Variants in PLXNC1 observed in about 807,000 individuals in gnomAD.
PLXNC1 encodes plexin-C1.
A neutral mutation model predicts 178.2 loss-of-function variants in PLXNC1; 75 were observed. That is an observed-to-expected ratio of 0.42 (90% CI 0.35 to 0.51). The LOEUF (loss-of-function observed/expected upper bound fraction) is 0.51. Ranked by LOEUF, PLXNC1 falls within the 20% of genes least tolerant of loss-of-function variation. The pLI, the probability that PLXNC1 is intolerant of heterozygous loss-of-function variation, is 0.02. For synonymous variants in PLXNC1, 790 were observed against 779.9 expected (o/e 1.01, Z -0.22); for missense variants, 1,503 against 1,984.4 (o/e 0.76, Z 4.61).
chr12:94,298,154 G>A (rs973871785), intron 26 of PLXNC1, among the ~76,000 whole-genome samples: 1 of 152,180 alleles, frequency 6.6e-6, no homozygotes, highest in African/African-American at 2.4e-5. Flanking sequence ...GTCCCATAGA[G>A]CCCAGCCTAT....
intron 21 of PLXNC1, among the ~76,000 whole-genome samples, chr12:94,276,607 A>G (rs1279486624): frequency 6.6e-6 from 1 of 152,148 alleles, no homozygotes; most frequent in East Asian, 1.9e-4. Context: ...GGAGCAAGTT[A>G]CTCAGCCCCT....
At chr12:94,165,658 G>A (rs1413368561) in intron 1 of PLXNC1, among the ~76,000 whole-genome samples, 1 of 149,462 alleles carries the variant, frequency 6.7e-6, no homozygotes, top group African/African-American at 2.4e-5. Flanking sequence ...AGCAGAAAAC[G>A]CAACCAACAG....
chr12:94,192,246 T>A (rs919185488), intron 4 of PLXNC1, among the ~76,000 whole-genome samples: 1 of 152,198 alleles, frequency 6.6e-6, no homozygotes, highest in East Asian at 1.9e-4. Context: ...GATGCCATTC[T>A]TGGCTTTAAG....
intron 14 of PLXNC1, among the ~76,000 whole-genome samples, chr12:94,248,918 T>TG (rs1457723104): frequency 1.3e-5 from 2 of 152,148 alleles, no homozygotes; most frequent in Non-Finnish European, 2.9e-5. Context: ...CAGATATGTT[T>TG]GGGGGACGGA....
chr12:94,151,669 C>G (rs1406864281), intron 1 of PLXNC1, among the ~76,000 whole-genome samples: 1 of 152,182 alleles, frequency 6.6e-6, no homozygotes, highest in African/African-American at 2.4e-5. Flanking sequence ...GGGTTAATGA[C>G]AAGCCAGCTC....
At chr12:94,169,083 A>G in intron 1 of PLXNC1, 70 bp from the exon 2 acceptor site, 2 of 1,374,570 alleles carry the variant, frequency 1.5e-6, no homozygotes, top group East Asian at 5.0e-5. Context: ...GTGACATTTC[A>G]TCAGTATAAT....
intron 2 of PLXNC1, among the ~76,000 whole-genome samples, chr12:94,171,204 G>A (rs1354402840): frequency 6.6e-6 from 1 of 152,200 alleles, no homozygotes; most frequent in Non-Finnish European, 1.5e-5. Context: ...GTGGCAACCA[G>A]GGAGTGGACC....
chr12:94,165,523 G>T (rs1961577460), intron 1 of PLXNC1, among the ~76,000 whole-genome samples: 1 of 152,208 alleles, frequency 6.6e-6, no homozygotes, highest in Non-Finnish European at 1.5e-5. Flanking sequence ...CTCCAGGCTG[G>T]TGAGAGGAAC....
chr12:94,211,043 A>G (rs1227876606), intron 5 of PLXNC1, among the ~76,000 whole-genome samples: 2 of 152,234 alleles, frequency 1.3e-5, no homozygotes, highest in Admixed American at 1.3e-4. Context: ...TACTTCAGCT[A>G]AATGTAGTGG....
chr12:94,249,259 G>C (rs1964611667), intron 14 of PLXNC1, among the ~76,000 whole-genome samples: 3 of 152,224 alleles, frequency 2.0e-5, no homozygotes, highest in East Asian at 1.9e-4. Flanking sequence ...TTTAGACAGA[G>C]TCTCACTTTG....
At chr12:94,164,847 T>G (rs1265219533) in intron 1 of PLXNC1, among the ~76,000 whole-genome samples, 2 of 152,106 alleles carry the variant, frequency 1.3e-5, no homozygotes, top group African/African-American at 4.8e-5. Flanking sequence ...GTTTCCCTCT[T>G]AGAGCCGGCA....
chr12:94,160,581 G>T (rs569488464), intron 1 of PLXNC1, among the ~76,000 whole-genome samples: 5 of 152,050 alleles, frequency 3.3e-5, no homozygotes, highest in Non-Finnish European at 7.4e-5. Context: ...ATTGGATTCC[G>T]AGTGCAAAGC....
At chr12:94,217,394 C>G (rs1241296484) in intron 5 of PLXNC1, among the ~76,000 whole-genome samples, 1 of 152,196 alleles carries the variant, frequency 6.6e-6, no homozygotes, top group Non-Finnish European at 1.5e-5. Flanking sequence ...TGTAGACAAT[C>G]TTATTCACTT....
rs1002424579 is a variant in PLXNC1, at chr12:94,307,640, C to T, written c.*2355C>T. 2.0e-5 allele frequency: 3 copies of T among 149,706 alleles called. No homozygotes were observed. Among genetic ancestry groups the T allele is most frequent in the East Asian group, 1.9e-4 (1 of 5,130 alleles). 9.3% of individuals were successfully genotyped at this position (149,706 alleles called of 1,614,324 possible). ...TCTTGGAGATGAATGTTTTAAATGT[C>T]TATATCCAAAAAATAAACATTTTGA... On this transcript the variant is annotated 3_prime_UTR_variant, in exon 31 of 31. Transcript: ENST00000258526.
chr12:94,186,550 T>A, intron 4 of PLXNC1, 77 bp downstream of exon 4: 1 of 877,986 alleles, frequency 1.1e-6, no homozygotes, highest in Non-Finnish European at 1.9e-6. Flanking sequence ...TGCCCTACTT[T>A]AACGATCCAT....
rs10685840 is a variant in PLXNC1 at position 94,307,243 on chromosome 12, T to TATA, written c.*1962_*1964dup. On this transcript the variant is annotated 3_prime_UTR_variant, in exon 31 of 31. Transcript: ENST00000258526. The stretch of plus-strand genomic sequence containing the variant: ...TTACCTCTTTGTGCCTCAATTTCTG[T>TATA]ATAATATTTCTAAGCTACCTCACTG... 0.12 allele frequency: 17,881 copies of TATA among 152,210 alleles called. 1,424 individuals carry two copies. The highest frequency in any genetic ancestry group is 0.18 in the Non-Finnish European group (12,134 of 67,980). The allele number at this position is 152,210 out of a possible 1,614,324, so 9.4% of individuals were successfully genotyped here.
intron 28 of PLXNC1, among the ~76,000 whole-genome samples, chr12:94,301,938 C>T (rs751621554): frequency 3.9e-5 from 6 of 152,150 alleles, no homozygotes; most frequent in South Asian, 2.1e-4. Flanking sequence ...AAATGTCTGT[C>T]GCTCCCTCCT....
At chr12:94,244,512 T>C (rs1964475400) in intron 12 of PLXNC1, among the ~76,000 whole-genome samples, 1 of 152,208 alleles carries the variant, frequency 6.6e-6, no homozygotes, top group Non-Finnish European at 1.5e-5. Context: ...TACCATCTGA[T>C]GTCACCTTCT....
At chr12:94,279,736 C>T (rs768808413) in intron 22 of PLXNC1, 87 bp downstream of exon 22, 1 of 1,172,270 alleles carries the variant, frequency 8.5e-7, no homozygotes, top group East Asian at 2.4e-5. Flanking sequence ...CCTCCCTGCC[C>T]CCACCAGCTT....
Sources: gnomAD v4.1 joint callset for allele counts (sites outside exome capture counted in the v4.1 genomes callset) on GRCh38, gnomAD v4.1.1 for gene constraint, MANE v1.5 for transcripts, NCBI Gene and HGNC (gene_info 2026-07-23, HGNC 2026-07-21) for gene names.